Variants in PLB1 observed in about 807,000 individuals in gnomAD.
PLB1 encodes phospholipase B1, membrane-associated.
In PLB1, 242 loss-of-function variants were observed where a neutral mutation model predicts 227.4. The ratio of observed to expected loss-of-function variants is 1.06; its 90% CI spans 0.96 to 1.18. PLB1 has a LOEUF of 1.18. PLB1 is among the 50% of genes most tolerant of loss of function. The pLI, the probability that PLB1 is intolerant of heterozygous loss-of-function variation, is 0.00. For synonymous variants in PLB1, 757 were observed against 682.2 expected (o/e 1.11, Z -1.71); for missense variants, 1,858 against 1,816.3 (o/e 1.02, Z -0.42).
rs1238891144 is a variant in PLB1 at position 28,592,825 on chromosome 2, C to T, written c.2247+106C>T. ...ATGCCTGTCCTCTGCCTTATCTTGCCCCTCTACCTGGCTCTGTCAATCCAA... is the reference window on the plus strand; with the variant it reads ...ATGCCTGTCCTCTGCCTTATCTTGCTCCTCTACCTGGCTCTGTCAATCCAA... On this transcript the variant is annotated intron_variant, in intron 32 of 57. Coordinates refer to ENST00000327757, the MANE Select transcript of PLB1 (RefSeq NM_153021.5). The T allele has an allele frequency of 5.8e-6, 6 of 1,034,344 alleles. No individual in the cohort carries two copies. In the South Asian group the frequency reaches 6.2e-5, roughly 11 times the overall value. The allele number at this position is 1,034,344 out of a possible 1,614,324, so 64.1% of individuals were successfully genotyped here.
intron 17 of PLB1, among the ~76,000 whole-genome samples, chr2:28,559,736 A>T: frequency 7.5e-6 from 1 of 133,394 alleles, no homozygotes; most frequent in East Asian, 2.4e-4. Flanking sequence ...TGCAGGCCTG[A>T]AAGCTTTTTT....
intron 1 of PLB1, among the ~76,000 whole-genome samples, chr2:28,500,641 CT>C (rs1380209621): frequency 6.6e-6 from 1 of 151,626 alleles, no homozygotes; most frequent in Non-Finnish European, 1.5e-5. Context: ...TCCTTTTTGT[CT>C]TATCTTTTTC....
intron 33 of PLB1, among the ~76,000 whole-genome samples, chr2:28,597,241 G>A (rs2148293373): frequency 6.8e-6 from 1 of 146,162 alleles, no homozygotes; most frequent in Admixed American, 6.8e-5. Flanking sequence ...TCCAGCCTGG[G>A]CGACAGAGCA....
intron 35 of PLB1, among the ~76,000 whole-genome samples, chr2:28,599,747 C>A (rs988405922): frequency 1.3e-5 from 2 of 152,112 alleles, no homozygotes; most frequent in Admixed American, 1.3e-4. Context: ...CTCCGAGTAG[C>A]TGGGATTACA....
At chr2:28,633,781 C>T (rs540020449) in intron 56 of PLB1, among the ~76,000 whole-genome samples, 37 of 152,354 alleles carry the variant, frequency 2.4e-4, no homozygotes, top group East Asian at 7.7e-4. Flanking sequence ...TCCTCTTGCA[C>T]GGAGCAAATG....
In PLB1 at chr2:28,554,489, C is replaced by CTTTTTTTTTTTTTTTTTTTTTTTTTTT. The variant is rs536476788; in HGVS notation, c.1147+1501_1147+1527dup. On this transcript the variant is annotated intron_variant, in intron 17 of 57. Transcript: ENST00000327757. The stretch of plus-strand genomic sequence containing the variant: ...CTACAGGCATTATCACCACACCTGC[C>CTTTTTTTTTTTTTTTTTTTTTTTTTTT]TTTTTTTTTTTTTTTTTTTTTTTTT... Among the ~76,000 whole-genome samples, 14 of 85,454 alleles carry CTTTTTTTTTTTTTTTTTTTTTTTTTTT rather than the reference C, an allele frequency of 1.6e-4. 2 individuals are homozygous for CTTTTTTTTTTTTTTTTTTTTTTTTTTT. The highest frequency in any genetic ancestry group is 1.3e-4 in the Non-Finnish European group (6 of 47,838). 56.1% of individuals were successfully genotyped at this position (85,454 alleles called of 152,430 possible).
chr2:28,578,197 T>G, intron 22 of PLB1, 39 bp downstream of exon 22: 1 of 1,597,556 alleles, frequency 6.3e-7, no homozygotes, highest in Non-Finnish European at 8.6e-7. Flanking sequence ...GAAAAATCCC[T>G]GGACACAGAG....
At chr2:28,543,293 G>C in intron 14 of PLB1, 25 bp downstream of exon 14, 1 of 1,605,382 alleles carries the variant, frequency 6.2e-7, no homozygotes, top group Non-Finnish European at 8.5e-7. Context: ...CCTGGGGTGG[G>C]GCCCACAGAG....
intron 1 of PLB1, among the ~76,000 whole-genome samples, chr2:28,500,514 G>A (rs1255546841): frequency 6.6e-6 from 1 of 152,190 alleles, no homozygotes; most frequent in Non-Finnish European, 1.5e-5. Context: ...GTGATTGGAA[G>A]ATGGTGATTT....
chr2:28,615,353 C>T lies in PLB1; in HGVS notation c.3195+1257C>T, dbSNP rs576320359. Among the ~76,000 whole-genome samples the T allele has an allele frequency of 2.0e-4, 30 of 152,284 alleles. No individual in the cohort carries two copies. The South Asian group carries it at 4.1e-3, about 21-fold the overall frequency. On this transcript the variant is annotated intron_variant, in intron 44 of 57. Transcript: ENST00000327757. ...GTGGAGAAAGATGGGAAGGCATTGG[C>T]GGTCTCAGGAGAGAGTGACATGATC...
chr2:28,584,228 C>T (rs1680533394), intron 25 of PLB1, among the ~76,000 whole-genome samples: 1 of 152,204 alleles, frequency 6.6e-6, no homozygotes, highest in Non-Finnish European at 1.5e-5. Context: ...TCACAAGGGC[C>T]AGACTTGCTC....
intron 54 of PLB1, among the ~76,000 whole-genome samples, chr2:28,631,507 C>G (rs1338188099): frequency 1.5e-4 from 23 of 152,206 alleles, no homozygotes; most frequent in Admixed American, 1.5e-3. Flanking sequence ...TGATAAACTC[C>G]TTGAAGATAA....
In PLB1 at chr2:28,541,798, C is replaced by T. The variant is rs1222549714; in HGVS notation, c.866C>T (p.Pro289Leu). ...CAGCCTTTCTTCTATGAGACCACCCCATCTCTACACTCGGTAAGTGGGGGC... is the reference window on the plus strand; with the variant it reads ...CAGCCTTTCTTCTATGAGACCACCCTATCTCTACACTCGGTAAGTGGGGGC... ...VFQPFFYETT[P>L]SLHSEDPRLQ... The change falls in exon 13 of 58, where the codon CCA becomes CTA. Residue 289 changes from proline to leucine, a missense_variant. Pro to Leu is a moderately conservative substitution (Grantham distance 98). Coordinates refer to ENST00000327757, the MANE Select transcript of PLB1 (RefSeq NM_153021.5). The T allele has an allele frequency of 1.9e-6, 3 of 1,609,206 alleles. No individual in the cohort carries two copies. The highest frequency in any genetic ancestry group is 3.3e-5 in the Admixed American group (2 of 59,792).
chr2:28,516,943 C>T (rs947709864), intron 2 of PLB1, 74 bp downstream of exon 2: 13 of 1,480,814 alleles, frequency 8.8e-6, no homozygotes, highest in African/African-American at 2.8e-5. Flanking sequence ...GTGGGTAAAC[C>T]CAAGTTTTGG....
intron 53 of PLB1, 148 bp from the exon 54 acceptor site, chr2:28,630,438 C>G: frequency 1.7e-6 from 1 of 597,540 alleles, no homozygotes; most frequent in South Asian, 2.3e-5. Context: ...TGTGGGGATA[C>G]TTGTGTGTCA....
At chr2:28,581,498 T>TAA (rs1474182004) in intron 23 of PLB1, among the ~76,000 whole-genome samples, 762 of 71,096 alleles carry the variant, frequency 0.011, 41 homozygotes, top group African/African-American at 0.049. Flanking sequence ...AATAAATAAA[T>TAA]AAATAAATAA....
intron 43 of PLB1, among the ~76,000 whole-genome samples, chr2:28,607,373 C>G (rs969175838): frequency 2.6e-5 from 4 of 152,164 alleles, no homozygotes; most frequent in Non-Finnish European, 5.9e-5. Flanking sequence ...CCCCATGTGT[C>G]TGCTGGGAAT....
chr2:28,577,889 G>A (rs1019035755), intron 21 of PLB1, among the ~76,000 whole-genome samples: 5 of 152,110 alleles, frequency 3.3e-5, no homozygotes, highest in Non-Finnish European at 7.4e-5. Flanking sequence ...CCCCTCCTAC[G>A]TGCAGTGCTC....
At chr2:28,617,560 TC>T (rs1161975175) in intron 44 of PLB1, among the ~76,000 whole-genome samples, 166 bp from the exon 45 acceptor site, 1 of 152,170 alleles carries the variant, frequency 6.6e-6, no homozygotes, top group Non-Finnish European at 1.5e-5. Flanking sequence ...CCCTTTAATT[TC>T]CCTCCTAGCC....
Sources: allele counts gnomAD v4.1 joint callset (sites outside exome capture counted in the v4.1 genomes callset), GRCh38; gene constraint gnomAD v4.1.1; transcripts MANE v1.5; gene names NCBI Gene and HGNC (gene_info 2026-07-23, HGNC 2026-07-21).